The following ANK2 variants were observed in gnomAD, a reference collection of about 807,000 sequenced individuals.
ANK2 encodes the protein ankyrin-2.
A neutral mutation model predicts 360.5 loss-of-function variants in ANK2; 83 were observed. That is an observed-to-expected ratio of 0.23 (90% CI 0.19 to 0.28). The LOEUF is 0.28. Among genes scored for constraint, ANK2 ranks in the 10% least tolerant of loss-of-function variants. The pLI is 1.00. For synonymous variants in ANK2, 1,740 were observed against 1,759.5 expected (o/e 0.99, Z 0.28); for missense variants, 4,201 against 4,795.7 (o/e 0.88, Z 3.66).
intron 40 of ANK2, 83 bp downstream of exon 40, chr4:113,363,552 G>C: frequency 6.6e-7 from 1 of 1,522,356 alleles, no homozygotes; most frequent in Admixed American, 1.7e-5. Context: ...CAGTAGAATA[G>C]TAAAGAAGCA....
intron 1 of ANK2, chr4:112,881,991 G>C: frequency 1.8e-6 from 1 of 564,916 alleles, no homozygotes. Flanking sequence ...AGCCCCCGGA[G>C]TGCTTGGTGC....
At chr4:112,766,801 C>T in the ANK2 span, among the ~76,000 whole-genome samples, 1 of 152,146 alleles carries the variant, frequency 6.6e-6, no homozygotes, top group Non-Finnish European at 1.5e-5. Flanking sequence ...GTGGGTCAGG[C>T]TGGATTGTGT....
chr4:113,009,103 A>G (rs2053895342), intron 2 of ANK2, among the ~76,000 whole-genome samples: 2 of 152,310 alleles, frequency 1.3e-5, no homozygotes, highest in South Asian at 4.1e-4. Flanking sequence ...AAAGGTTTTA[A>G]ATTATAAACA....
At chr4:112,898,778 A>G (rs1335029273) in intron 1 of ANK2, among the ~76,000 whole-genome samples, 1 of 152,206 alleles carries the variant, frequency 6.6e-6, no homozygotes. Flanking sequence ...AACTAAGCTC[A>G]TGGCTTACTC....
rs2095317752 is a variant in ANK2, at chr4:113,350,259, T to A, written c.4426+10T>A. ...ATGACATCAGAAAAAAGTAAGAATT[T>A]AAAGAAAATTGAGTTTGTTTGAAAG... On this transcript the variant is annotated intron_variant, in intron 37 of 45. Coordinates refer to ENST00000357077, the MANE Select transcript of ANK2 (RefSeq NM_001148.6). 1.2e-6 allele frequency: 2 copies of A among 1,602,100 alleles called. No individual in the cohort carries two copies. Among genetic ancestry groups the A allele is most frequent in the Admixed American group, 1.7e-5 (1 of 59,750 alleles).
intron 1 of ANK2, among the ~76,000 whole-genome samples, chr4:112,867,903 TCTTGGATGTATAC>T (rs1264890030): frequency 6.6e-6 from 1 of 152,222 alleles, no homozygotes; most frequent in African/African-American, 2.4e-5. Flanking sequence ...TTTTCATTTC[TCTTGGATGTATAC>T]CTATGAGTGT....
the ANK2 span, among the ~76,000 whole-genome samples, chr4:112,747,705 T>A: frequency 6.6e-6 from 1 of 152,118 alleles, no homozygotes; most frequent in Non-Finnish European, 1.5e-5. Context: ...TTCTGGAACA[T>A]CAAGAATATT....
chr4:113,195,204 T>G (rs756007526), intron 2 of ANK2, among the ~76,000 whole-genome samples: 1 of 152,146 alleles, frequency 6.6e-6, no homozygotes, highest in African/African-American at 2.4e-5. Flanking sequence ...GACTCTAGCA[T>G]CATAATAAGA....
At chr4:113,202,632 CA>C (rs1232517819) in intron 4 of ANK2, among the ~76,000 whole-genome samples, 1 of 152,096 alleles carries the variant, frequency 6.6e-6, no homozygotes, top group Non-Finnish European at 1.5e-5. Flanking sequence ...AAGAAGATAA[CA>C]AATTTTCTGA....
chr4:113,130,746 A>T (rs1418951957), intron 1 of ANK2, among the ~76,000 whole-genome samples: 2 of 152,212 alleles, frequency 1.3e-5, no homozygotes, highest in Non-Finnish European at 2.9e-5. Flanking sequence ...TGCCTAAGAC[A>T]TAATAGATAC....
At chr4:112,760,442 C>G in the ANK2 span, among the ~76,000 whole-genome samples, 2 of 152,068 alleles carry the variant, frequency 1.3e-5, no homozygotes, top group Admixed American at 1.3e-4. Context: ...CCGCCTTGGC[C>G]TCCCAAAGTG....
chr4:112,759,196 C>T, the ANK2 span, among the ~76,000 whole-genome samples: 21,215 of 151,930 alleles, frequency 0.14, 2,247 homozygotes, highest in East Asian at 0.49. Context: ...AGTGCAGGGG[C>T]GTGATCATAG....
At chr4:113,141,878 T>G (rs2096647187) in intron 1 of ANK2, among the ~76,000 whole-genome samples, 1 of 152,198 alleles carries the variant, frequency 6.6e-6, no homozygotes. Context: ...TCTCTTATGA[T>G]GGATTTGAAA....
At chr4:112,987,766 A>G (rs1219170834) in intron 2 of ANK2, among the ~76,000 whole-genome samples, 1 of 152,166 alleles carries the variant, frequency 6.6e-6, no homozygotes, top group African/African-American at 2.4e-5. Flanking sequence ...CAATATACGT[A>G]TTATACTAAT....
chr4:112,861,715 A>G (rs527662714), intron 1 of ANK2, among the ~76,000 whole-genome samples: 58 of 152,334 alleles, frequency 3.8e-4, no homozygotes, highest in African/African-American at 8.7e-4. Context: ...TAACTCTTAC[A>G]TGGTGTAATG....
At chr4:112,821,808 C>T (rs896338909) in intron 1 of ANK2, among the ~76,000 whole-genome samples, 1 of 151,146 alleles carries the variant, frequency 6.6e-6, no homozygotes, top group Non-Finnish European at 1.5e-5. Context: ...TGTCTGTCAC[C>T]CAGGCTGGAG....
chr4:113,188,096 A>T (rs965753359), intron 2 of ANK2, among the ~76,000 whole-genome samples: 1 of 152,242 alleles, frequency 6.6e-6, no homozygotes, highest in South Asian at 2.1e-4. Flanking sequence ...TGTTGTGCAC[A>T]CTCATTTAGG....
the ANK2 span, among the ~76,000 whole-genome samples, chr4:112,717,729 G>T: frequency 6.6e-6 from 1 of 152,010 alleles, no homozygotes; most frequent in Non-Finnish European, 1.5e-5. Flanking sequence ...TACTTGTATA[G>T]CTTTGCTGGA....
chr4:113,173,939 C>T (rs2098093199), intron 1 of ANK2: 1 of 188,950 alleles, frequency 5.3e-6, no homozygotes, highest in Non-Finnish European at 1.1e-5. Flanking sequence ...GACCCATACT[C>T]AGTGTTCTCT....
Sources: allele counts gnomAD v4.1 joint callset (sites outside exome capture counted in the v4.1 genomes callset), GRCh38; gene constraint gnomAD v4.1.1; transcripts MANE v1.5; gene names NCBI Gene and HGNC (gene_info 2026-07-23, HGNC 2026-07-21).